GALNT13: variants seen among roughly 807,000 people sequenced by gnomAD.
The protein encoded by GALNT13 is UDP-GalNAc:polypeptide N-acetylgalactosaminyltransferase 13.
In GALNT13, 28 loss-of-function variants were observed where a neutral mutation model predicts 64.2. That is an observed-to-expected ratio of 0.44 (90% CI 0.32 to 0.60). GALNT13 has a LOEUF of 0.60. Ranked by LOEUF, GALNT13 falls within the 20% of genes least tolerant of loss-of-function variation. The pLI, the probability that GALNT13 is intolerant of heterozygous loss-of-function variation, is 0.05. For missense variants in GALNT13, 577 were observed against 669.8 expected, an observed-to-expected ratio of 0.86 and a Z score of 1.53; for synonymous variants, 214 against 224.6, an observed-to-expected ratio of 0.95 and a Z score of 0.42.
the GALNT13 span, among the ~76,000 whole-genome samples, chr2:153,450,365 T>C: frequency 6.6e-6 from 1 of 152,156 alleles, no homozygotes; most frequent in South Asian, 2.1e-4. Flanking sequence ...GTTTTTGTTA[T>C]AAATATTTTT....
At chr2:153,343,678 G>T in the GALNT13 span, among the ~76,000 whole-genome samples, 133 of 152,038 alleles carry the variant, frequency 8.7e-4, 1 homozygote, top group African/African-American at 3.1e-3. Context: ...TTCCTCTGGG[G>T]AGCCTTCCTA....
chr2:153,281,025 T>A, the GALNT13 span, among the ~76,000 whole-genome samples: 1 of 152,328 alleles, frequency 6.6e-6, no homozygotes, highest in African/African-American at 2.4e-5. Flanking sequence ...GTACTCATTT[T>A]ATGGATCTGG....
chr2:154,364,171 A>G (rs549433770), intron 9 of GALNT13, among the ~76,000 whole-genome samples: 3 of 152,292 alleles, frequency 2.0e-5, no homozygotes, highest in African/African-American at 7.2e-5. Context: ...TGGTATTGAG[A>G]CAAGGAAATA....
the GALNT13 span, among the ~76,000 whole-genome samples, chr2:153,830,721 T>A: frequency 6.6e-6 from 1 of 152,186 alleles, no homozygotes; most frequent in Non-Finnish European, 1.5e-5. Flanking sequence ...AACTGTTATC[T>A]CTTTTTGCAC....
chr2:153,645,685 A>G, the GALNT13 span, among the ~76,000 whole-genome samples: 1 of 152,142 alleles, frequency 6.6e-6, no homozygotes, highest in East Asian at 1.9e-4. Context: ...TTCAGGGACA[A>G]CTGAAATAGA....
the GALNT13 span, among the ~76,000 whole-genome samples, chr2:153,397,610 G>A: frequency 2.6e-5 from 4 of 151,840 alleles, no homozygotes; most frequent in Admixed American, 2.6e-4. Context: ...AGAGATTCAT[G>A]CTTTGTTGTC....
chr2:153,629,894 A>C, the GALNT13 span, among the ~76,000 whole-genome samples: 1 of 148,668 alleles, frequency 6.7e-6, no homozygotes, highest in Non-Finnish European at 1.5e-5. Context: ...AACACATGAA[A>C]AAATGCTCAT....
chr2:153,496,338 A>C, the GALNT13 span, among the ~76,000 whole-genome samples: 1 of 152,166 alleles, frequency 6.6e-6, no homozygotes, highest in Non-Finnish European at 1.5e-5. Flanking sequence ...GAAATCTGGG[A>C]GCATGGCTTG....
the GALNT13 span, among the ~76,000 whole-genome samples, chr2:153,287,325 A>AT: frequency 2.0e-4 from 30 of 152,022 alleles, no homozygotes; most frequent in African/African-American, 6.5e-4. Context: ...GTGTGTTACC[A>AT]TGCCACTCTC....
chr2:154,269,801 A>T (rs1381282886), intron 8 of GALNT13, among the ~76,000 whole-genome samples: 2 of 150,102 alleles, frequency 1.3e-5, no homozygotes, highest in East Asian at 2.0e-4. Flanking sequence ...TTTTCATTCA[A>T]AGAAGGGCTT....
the GALNT13 span, among the ~76,000 whole-genome samples, chr2:153,664,975 G>A: frequency 6.6e-6 from 1 of 152,122 alleles, no homozygotes; most frequent in African/African-American, 2.4e-5. Flanking sequence ...AATTTTATAG[G>A]CAGCAATAGT....
chr2:153,478,383 G>T, the GALNT13 span: 14 of 1,612,462 alleles, frequency 8.7e-6, no homozygotes, highest in Non-Finnish European at 1.2e-5. Flanking sequence ...GCACGCACAT[G>T]ACCGCGATCT....
At chr2:153,561,672 G>GTGTGTGGTA in the GALNT13 span, among the ~76,000 whole-genome samples, 12 of 129,948 alleles carry the variant, frequency 9.2e-5, no homozygotes, top group African/African-American at 4.1e-4. Flanking sequence ...TGTGTGTGGT[G>GTGTGTGGTA]TGTATTAATC....
chr2:153,401,443 T>C, the GALNT13 span, among the ~76,000 whole-genome samples: 24,064 of 148,354 alleles, frequency 0.16, 2,282 homozygotes, highest in African/African-American at 0.27. Flanking sequence ...CTATTAGGTC[T>C]GCTTGGTGCA....
intron 3 of GALNT13, among the ~76,000 whole-genome samples, chr2:154,015,630 C>G (rs536916710): frequency 6.6e-6 from 1 of 152,264 alleles, no homozygotes; most frequent in Admixed American, 6.5e-5. Context: ...TGTTACTCAT[C>G]ACATTGCCTT....
At chr2:153,244,200 A>G in the GALNT13 span, among the ~76,000 whole-genome samples, 29 of 152,090 alleles carry the variant, frequency 1.9e-4, no homozygotes, top group African/African-American at 6.8e-4. Context: ...CCTCTATCAG[A>G]GTAAAGGTTT....
chr2:154,305,316 G>A (rs761282384), intron 9 of GALNT13, among the ~76,000 whole-genome samples: 4 of 151,966 alleles, frequency 2.6e-5, no homozygotes, highest in Non-Finnish European at 5.9e-5. Context: ...GTTCAGGAAG[G>A]AGGGGTGGGA....
chr2:154,323,822 A>C (rs955353216), intron 9 of GALNT13, among the ~76,000 whole-genome samples: 2 of 152,022 alleles, frequency 1.3e-5, no homozygotes, highest in Non-Finnish European at 2.9e-5. Flanking sequence ...ATTCTTATGG[A>C]CATATGTCCA....
intron 2 of GALNT13, among the ~76,000 whole-genome samples, chr2:153,922,425 G>C (rs908495779): frequency 6.6e-6 from 1 of 152,126 alleles, no homozygotes; most frequent in African/African-American, 2.4e-5. Flanking sequence ...CAGATCTTTT[G>C]ATCTTGAAGC....
Sources: allele counts gnomAD v4.1 joint callset (sites outside exome capture counted in the v4.1 genomes callset), GRCh38; gene constraint gnomAD v4.1.1; transcripts MANE v1.5; gene names NCBI Gene and HGNC (gene_info 2026-07-23, HGNC 2026-07-21).